Variants in TENM4 observed in about 807,000 individuals in gnomAD.
The protein encoded by TENM4 is teneurin-4.
TENM4 carries 82 observed loss-of-function variants against 243.3 expected under a neutral mutation model. The observed-to-expected ratio is 0.34, with a 90% CI of 0.28 to 0.40. The LOEUF is 0.40. Ranked by LOEUF, TENM4 falls within the 10% of genes least tolerant of loss-of-function variation. TENM4 has a pLI of 1.00. For missense variants in TENM4, 3,138 were observed against 3,673.3 expected, an observed-to-expected ratio of 0.85 and a Z score of 3.77; for synonymous variants, 1,412 against 1,456.3, an observed-to-expected ratio of 0.97 and a Z score of 0.69.
intron 14 of TENM4, among the ~76,000 whole-genome samples, chr11:78,809,059 C>T (rs144108770): frequency 0.014 from 2,056 of 152,286 alleles, 18 homozygotes; most frequent in Non-Finnish European, 0.021. Context: ...CCCAGGGCAC[C>T]CTTGAGGTCG....
chr11:79,004,334 T>C (rs12803833), intron 6 of TENM4, among the ~76,000 whole-genome samples: 3 of 152,190 alleles, frequency 2.0e-5, no homozygotes, highest in Non-Finnish European at 4.4e-5. Context: ...ACCAACAGAA[T>C]ATAAATTCTT....
Position 78,683,815 on chromosome 11 carries a change from TA to T in TENM4, c.5260+4238del, listed in dbSNP as rs1306982211. Among the ~76,000 whole-genome samples the T allele has an allele frequency of 2.6e-5, 4 of 152,212 alleles. No individual in the cohort carries two copies. The East Asian group carries it at 7.7e-4, about 29-fold the overall frequency. Reference sequence around the variant, plus strand: ...CTTGGCTCCTCCCTAGATTCTTAACTAAATGAAACTTACGGTGAAAAAAGCA... The same window carrying T: ...CTTGGCTCCTCCCTAGATTCTTAACTAATGAAACTTACGGTGAAAAAAGCA... On this transcript the variant is annotated intron_variant, in intron 29 of 33. Transcript: ENST00000278550.
In TENM4 at chr11:79,141,881, T is replaced by A. The variant is rs376498178; in HGVS notation, c.-66+6829A>T. On this transcript the variant is annotated intron_variant, in intron 4 of 33. Transcript: ENST00000278550. ...AATGTGATATATCATATTAATAGAATGAAGAATGAAAATCATATAATCATT... is the reference window on the plus strand; with the variant it reads ...AATGTGATATATCATATTAATAGAAAGAAGAATGAAAATCATATAATCATT... Among the ~76,000 whole-genome samples the A allele has an allele frequency of 1.7e-3, 256 of 152,200 alleles. 9 individuals are homozygous for A. The South Asian group carries it at 0.047, about 28-fold the overall frequency.
intron 4 of TENM4, among the ~76,000 whole-genome samples, chr11:79,088,034 G>A (rs1479405568): frequency 1.3e-5 from 2 of 152,258 alleles, no homozygotes; most frequent in African/African-American, 4.8e-5. Context: ...ACTGGAGTCT[G>A]GCTTCCCAGG....
chr11:79,288,209 C>A (rs1235264213), intron 2 of TENM4, among the ~76,000 whole-genome samples: 3 of 152,236 alleles, frequency 2.0e-5, no homozygotes, highest in Non-Finnish European at 4.4e-5. Flanking sequence ...CCATAACCAG[C>A]CCTTTACTTG....
chr11:78,913,152 A>G (rs1856228961), intron 6 of TENM4, among the ~76,000 whole-genome samples: 1 of 152,228 alleles, frequency 6.6e-6, no homozygotes, highest in Admixed American at 6.5e-5. Flanking sequence ...TGGGCACCAA[A>G]CAAGGCAAAA....
At chr11:79,120,528 C>T (rs1310796241) in intron 4 of TENM4, among the ~76,000 whole-genome samples, 3 of 152,154 alleles carry the variant, frequency 2.0e-5, no homozygotes, top group African/African-American at 7.2e-5. Flanking sequence ...AGGATTTGGG[C>T]AGTAACAATG....
Position 78,853,961 on chromosome 11 carries a change from C to T in TENM4, c.1681+143G>A, listed in dbSNP as rs1858609552. ...GCGGGCGATTCCCTGTGTAGCAGGC[C>T]CAGTCAGGAGGGTCTCGTGCCAAGC... On this transcript the variant is annotated intron_variant, in intron 12 of 33. Coordinates refer to ENST00000278550, the MANE Select transcript of TENM4 (RefSeq NM_001098816.3). 9.0e-6 allele frequency: 7 copies of T among 776,172 alleles called. No homozygotes were observed. In the East Asian group the frequency reaches 1.7e-4, roughly 19 times the overall value. The allele number at this position is 776,172 out of a possible 1,614,324, so 48.1% of individuals were successfully genotyped here. A position where few individuals can be genotyped will look rare whatever the true frequency, so the allele number is the denominator to read the frequency against.
At chr11:79,240,828 G>C (rs1437154437) in intron 2 of TENM4, among the ~76,000 whole-genome samples, 1 of 151,868 alleles carries the variant, frequency 6.6e-6, no homozygotes, top group Non-Finnish European at 1.5e-5. Context: ...CTACTTTTTT[G>C]GGAGTCAGTT....
chr11:79,190,713 T>G (rs555863738), intron 3 of TENM4, among the ~76,000 whole-genome samples: 20 of 152,234 alleles, frequency 1.3e-4, no homozygotes, highest in Admixed American at 5.2e-4. Flanking sequence ...AATGTGTGGT[T>G]TTGTTAATGT....
chr11:78,672,096 C>T lies in TENM4; in HGVS notation c.5730G>A (p.Ala1910=), dbSNP rs779824022. Reference sequence around the variant, plus strand: ...CGAAGATCCTGGATGTGATGCGGCCCGCCTGGTCGTATTCCATTCTTTCAG... The same window carrying T: ...CGAAGATCCTGGATGTGATGCGGCCTGCCTGGTCGTATTCCATTCTTTCAG... ...IMSERMEYDQ[A]GRITSRIFAD... is the part of the protein sequence containing the mutation. Residue 1910 remains alanine, a synonymous_variant, in exon 31 of 34, where the codon GCG becomes GCA. Coordinates refer to ENST00000278550, the MANE Select transcript of TENM4 (RefSeq NM_001098816.3). 52 of 1,613,888 alleles carry T rather than the reference C, an allele frequency of 3.2e-5. No homozygotes were observed. The highest frequency in any genetic ancestry group is 8.9e-5 in the East Asian group (4 of 44,884).
At chr11:78,752,952 G>A (rs981492316) in intron 19 of TENM4, among the ~76,000 whole-genome samples, 2 of 152,132 alleles carry the variant, frequency 1.3e-5, no homozygotes, top group Admixed American at 1.3e-4. Context: ...TTGTGTGGCA[G>A]GTACTAGGTT....
At chr11:78,814,465 G>C in intron 12 of TENM4, 70 bp from the exon 13 acceptor site, 1 of 1,373,472 alleles carries the variant, frequency 7.3e-7, no homozygotes, top group Non-Finnish European at 1.0e-6. Flanking sequence ...CAGGAATCAA[G>C]CTTTAGGTTA....
rs750419298 is a variant in TENM4, at chr11:78,781,553, C to T, written c.2366-2925G>A. Among the ~76,000 whole-genome samples, 28 of 152,290 alleles carry T rather than the reference C, an allele frequency of 1.8e-4. No homozygotes were observed. The South Asian group carries it at 2.3e-3, about 12-fold the overall frequency. On this transcript the variant is annotated intron_variant, in intron 16 of 33. Coordinates refer to ENST00000278550, the MANE Select transcript of TENM4 (RefSeq NM_001098816.3). ...TAAAACTTCTTTCCTTGACTTGCCTCTACCAACAGAGGTTTCCAAAAGTTT... is the reference window on the plus strand; with the variant it reads ...TAAAACTTCTTTCCTTGACTTGCCTTTACCAACAGAGGTTTCCAAAAGTTT...
rs548947207 is a variant in TENM4, at chr11:78,796,013, T to C, written c.2180-8930A>G. 7.2e-5 allele frequency among the ~76,000 whole-genome samples: 11 copies of C among 152,146 alleles called. No individual in the cohort carries two copies. The South Asian group carries it at 2.3e-3, about 32-fold the overall frequency. ...TCAAGCCATGGCTCTGTTCCACGGA[T>C]CGAGATGGCGGAAAGTTAATGAGCC... On this transcript the variant is annotated intron_variant, in intron 15 of 33. Coordinates refer to ENST00000278550, the MANE Select transcript of TENM4 (RefSeq NM_001098816.3).
At chr11:78,715,363 C>G (rs1474724962) in intron 25 of TENM4, among the ~76,000 whole-genome samples, 1 of 152,132 alleles carries the variant, frequency 6.6e-6, no homozygotes, top group African/African-American at 2.4e-5. Flanking sequence ...TCATGATAAA[C>G]TGGTGCTATT....
At chr11:78,899,564 G>GC (rs1555098938) in intron 7 of TENM4, among the ~76,000 whole-genome samples, 3 of 134,948 alleles carry the variant, frequency 2.2e-5, no homozygotes, top group African/African-American at 5.4e-5. Flanking sequence ...AAAAGCGGGG[G>GC]GGGGGGGAAA....
intron 16 of TENM4, 100 bp downstream of exon 16, chr11:78,786,798 C>T: frequency 6.8e-7 from 1 of 1,481,176 alleles, no homozygotes; most frequent in Non-Finnish European, 9.1e-7. Flanking sequence ...CTTCCCCATC[C>T]CCACATGCGA....
At chr11:79,350,939 C>T (rs573869603) in intron 1 of TENM4, among the ~76,000 whole-genome samples, 1 of 152,230 alleles carries the variant, frequency 6.6e-6, no homozygotes, top group African/African-American at 2.4e-5. Flanking sequence ...CTCCAAGATT[C>T]TATGTGGCCT....
Sources: allele counts gnomAD v4.1 joint callset (sites outside exome capture counted in the v4.1 genomes callset), GRCh38; gene constraint gnomAD v4.1.1; transcripts MANE v1.5; gene names NCBI Gene and HGNC (gene_info 2026-07-23, HGNC 2026-07-21).